Variants in FUT8 observed in about 807,000 individuals in gnomAD.
FUT8 encodes alpha-(1,6)-fucosyltransferase.
In FUT8, 29 loss-of-function variants were observed where a neutral mutation model predicts 71.3. That is an observed-to-expected ratio of 0.41 (90% CI 0.30 to 0.55). The LOEUF is 0.55. Ranked by LOEUF, FUT8 falls within the 20% of genes least tolerant of loss-of-function variation. The pLI is 0.34. For synonymous variants in FUT8, 254 were observed against 239.3 expected, an observed-to-expected ratio of 1.06 and a Z score of -0.57; for missense variants, 544 against 702.1, an observed-to-expected ratio of 0.77 and a Z score of 2.55.
chr14:65,496,897 G>A (rs967500785), intron 2 of FUT8, among the ~76,000 whole-genome samples: 3 of 152,014 alleles, frequency 2.0e-5, no homozygotes, highest in African/African-American at 7.3e-5. Flanking sequence ...GAGTCACATG[G>A]GTTGTCTTGA....
chr14:65,439,991 T>TATATATATATATATATATAC lies in FUT8; in HGVS notation c.-325-15630_-325-15629insATATATATATATATATATAC, dbSNP rs1491251493. 1.3e-4 allele frequency among the ~76,000 whole-genome samples: 18 copies of TATATATATATATATATATAC among 134,234 alleles called. 2 individuals are homozygous for TATATATATATATATATATAC. Among genetic ancestry groups the TATATATATATATATATATAC allele is most frequent in the Non-Finnish European group, 8.1e-5 (5 of 62,030 alleles). 88.1% of individuals were successfully genotyped at this position (134,234 alleles called of 152,430 possible). On this transcript the variant is annotated intron_variant, in intron 1 of 10. Transcript: ENST00000673929. ...ATATATATATATATATATATATATA[T>TATATATATATATATATATAC]GTACACACACACAGTGGAATACTGT...
intron 5 of FUT8, among the ~76,000 whole-genome samples, chr14:65,622,681 C>T (rs1015797932): frequency 1.3e-5 from 2 of 152,182 alleles, no homozygotes; most frequent in African/African-American, 2.4e-5. Flanking sequence ...TTGCCTGTCT[C>T]CTGGTCACAT....
chr14:65,414,274 A>AT lies in FUT8; in HGVS notation c.-326+1070dup, dbSNP rs3842324. Among the ~76,000 whole-genome samples, 962 of 150,228 alleles carry AT rather than the reference A, an allele frequency of 6.4e-3. 30 individuals carry two copies. The East Asian group carries it at 0.09, about 14-fold the overall frequency. On this transcript the variant is annotated intron_variant, in intron 1 of 10. Transcript: ENST00000673929. ...AAACTGTAGGCAGGTTTCATTATAG[A>AT]TTTTTTTTTTCTTGTTATTCCGGCG...
At chr14:65,446,204 C>T (rs1365694070) in intron 1 of FUT8, among the ~76,000 whole-genome samples, 1 of 152,176 alleles carries the variant, frequency 6.6e-6, no homozygotes, top group Non-Finnish European at 1.5e-5. Context: ...CTATTGAACC[C>T]TGGGCTGTTT....
intron 7 of FUT8, among the ~76,000 whole-genome samples, chr14:65,693,492 C>G (rs187129936): frequency 5.3e-4 from 81 of 152,242 alleles, no homozygotes; most frequent in African/African-American, 1.4e-3. Context: ...CTCGGCATCA[C>G]AGGGAGACCG....
intron 1 of FUT8, among the ~76,000 whole-genome samples, chr14:65,432,234 T>G (rs377082104): frequency 6.6e-6 from 1 of 152,206 alleles, no homozygotes; most frequent in East Asian, 1.9e-4. Flanking sequence ...TTACCTATTC[T>G]TTTGGCTTTA....
Position 65,634,039 on chromosome 14 carries a change from G to A in FUT8, c.597+4433G>A, listed in dbSNP as rs531940901. On this transcript the variant is annotated intron_variant, in intron 6 of 10. Transcript: ENST00000673929. ...TGGGAAGTGAGGAGCCCCTCTGCCC[G>A]GCCACCACCCGGTCTGGGAGGTGTA... 4.4e-4 allele frequency among the ~76,000 whole-genome samples: 67 copies of A among 152,290 alleles called. 2 individuals carry two copies. The South Asian group carries it at 5.2e-3, about 12-fold the overall frequency.
chr14:65,422,865 C>CCAGGCT (rs1193708943), intron 1 of FUT8, among the ~76,000 whole-genome samples: 1 of 151,772 alleles, frequency 6.6e-6, no homozygotes, highest in Admixed American at 6.6e-5. Context: ...TTGCCCAGGC[C>CCAGGCT]CAGGCTGATC....
chr14:65,448,409 T>C (rs1044541282), intron 1 of FUT8, among the ~76,000 whole-genome samples: 1 of 152,198 alleles, frequency 6.6e-6, no homozygotes, highest in African/African-American at 2.4e-5. Flanking sequence ...ATATTGCTAC[T>C]TTCCAGCTAA....
chr14:65,425,468 GTTTTTTTTTT>G (rs557101189), intron 1 of FUT8, among the ~76,000 whole-genome samples: 1 of 119,572 alleles, frequency 8.4e-6, no homozygotes, highest in African/African-American at 3.1e-5. Context: ...ATGCCTGGCC[GTTTTTTTTTT>G]TTTTTTTTTT....
intron 10 of FUT8, among the ~76,000 whole-genome samples, chr14:65,737,106 T>G (rs1024853934): frequency 6.6e-6 from 1 of 152,090 alleles, no homozygotes; most frequent in South Asian, 2.1e-4. Context: ...TCTCATAAAT[T>G]TTTAGACCTA....
intron 9 of FUT8, among the ~76,000 whole-genome samples, chr14:65,727,914 C>G (rs146961946): frequency 0.013 from 1,955 of 152,340 alleles, 25 homozygotes; most frequent in Non-Finnish European, 0.02. Context: ...TCATCTCTCT[C>G]AAGTTCAAAG....
intron 7 of FUT8, among the ~76,000 whole-genome samples, chr14:65,718,565 A>G (rs1472010007): frequency 6.6e-6 from 1 of 152,192 alleles, no homozygotes; most frequent in Non-Finnish European, 1.5e-5. Flanking sequence ...CCAGTGAGGT[A>G]CCTTCAGATC....
chr14:65,692,399 G>A (rs1893681674), intron 7 of FUT8, among the ~76,000 whole-genome samples: 4 of 145,092 alleles, frequency 2.8e-5, no homozygotes, highest in Non-Finnish European at 3.1e-5. Flanking sequence ...GGCTGGCCGG[G>A]CGGGGGGCTG....
chr14:65,721,304 G>T (rs1183308990), intron 7 of FUT8, among the ~76,000 whole-genome samples: 1 of 151,928 alleles, frequency 6.6e-6, no homozygotes, highest in Non-Finnish European at 1.5e-5. Context: ...TAGATGATTG[G>T]CTTATAATTA....
chr14:65,492,275 T>C (rs1332043632), intron 2 of FUT8, among the ~76,000 whole-genome samples: 1 of 152,194 alleles, frequency 6.6e-6, no homozygotes. Flanking sequence ...GCCTTCTTAC[T>C]TCAGTTTAGC....
rs964927322 is a variant in FUT8 at position 65,638,532 on chromosome 14, A to G, written c.597+8926A>G. The stretch of plus-strand genomic sequence containing the variant: ...GATAGGGATTTTTTTTCATTCAAAA[A>G]TAAGTTTTATTGGAGAAATAGAAAA... On this transcript the variant is annotated intron_variant, in intron 6 of 10. Coordinates refer to ENST00000673929, the MANE Select transcript of FUT8 (RefSeq NM_001371533.1). The surrounding 1 kb of genome is among the most constrained non-coding windows in gnomAD (Gnocchi z 4.5). Among the ~76,000 whole-genome samples the G allele has an allele frequency of 6.6e-6, 1 of 152,160 alleles. No individual in the cohort carries two copies. Among genetic ancestry groups the G allele is most frequent in the African/African-American group, 2.4e-5 (1 of 41,436 alleles).
At chr14:65,583,238 T>C (rs951073105) in intron 3 of FUT8, among the ~76,000 whole-genome samples, 14 of 152,088 alleles carry the variant, frequency 9.2e-5, no homozygotes, top group African/African-American at 3.4e-4. Context: ...TGCAGTGGTG[T>C]AATCACTAGC....
At chr14:65,721,361 A>G (rs1337246455) in intron 7 of FUT8, among the ~76,000 whole-genome samples, 1 of 152,232 alleles carries the variant, frequency 6.6e-6, no homozygotes, top group Non-Finnish European at 1.5e-5. Context: ...CATGAAAGTA[A>G]TGCAAGAGCA....
Sources: gnomAD v4.1 joint callset for allele counts (sites outside exome capture counted in the v4.1 genomes callset) on GRCh38, gnomAD v4.1.1 for gene constraint, Gnocchi (gnomAD v3.1) non-coding constraint, MANE v1.5 for transcripts, NCBI Gene and HGNC (gene_info 2026-07-23, HGNC 2026-07-21) for gene names.